The following CSMD1 variants were observed in gnomAD, a reference collection of about 807,000 sequenced individuals.
The protein encoded by CSMD1 is CUB and sushi domain-containing protein 1.
In CSMD1, 213 loss-of-function variants were observed where a neutral mutation model predicts 417.5. The ratio of observed to expected loss-of-function variants is 0.51; its 90% confidence interval spans 0.46 to 0.57. CSMD1 has a LOEUF of 0.57. Ranked by LOEUF, CSMD1 falls within the 20% of genes least tolerant of loss-of-function variation. The pLI, the probability that CSMD1 is intolerant of heterozygous loss-of-function variation, is 0.00. For missense variants in CSMD1, 6,923 were observed against 4,529.7 expected, an observed-to-expected ratio of 1.53 and a Z score of -15.17; for synonymous variants, 2,862 against 1,736.8, an observed-to-expected ratio of 1.65 and a Z score of -16.11.
At position 4,675,868 on chromosome 8, in the gene CSMD1, T is replaced by C. The variant is rs140916258; in HGVS notation, c.86-38310A>G. Among the ~76,000 whole-genome samples, 338 of 152,268 alleles carry C rather than the reference T, an allele frequency of 2.2e-3. 3 individuals are homozygous for C. Among genetic ancestry groups the C allele is most frequent in the African/African-American group, 7.8e-3 (323 of 41,558 alleles). On this transcript the variant is annotated intron_variant, in intron 1 of 69. Coordinates refer to ENST00000635120, the MANE Select transcript of CSMD1 (RefSeq NM_033225.6). ...GCAGTGTAGTAAGGTGCCTAATTGTTTCCTAAACAAAAAGTATCTAAACTA... is the reference window on the plus strand; with the variant it reads ...GCAGTGTAGTAAGGTGCCTAATTGTCTCCTAAACAAAAAGTATCTAAACTA...
chr8:3,305,160 C>T (rs911444651), intron 25 of CSMD1, among the ~76,000 whole-genome samples: 3 of 152,140 alleles, frequency 2.0e-5, no homozygotes, highest in African/African-American at 4.8e-5. Flanking sequence ...GCTGGGATGA[C>T]AGGTGTGAGC....
intron 33 of CSMD1, among the ~76,000 whole-genome samples, chr8:3,196,869 A>C (rs1238810458): frequency 3.9e-5 from 6 of 152,256 alleles, no homozygotes; most frequent in African/African-American, 1.4e-4. Context: ...ACGAAACTAA[A>C]GATAAGAGAA....
At chr8:4,633,296 G>C (rs1427461875) in intron 2 of CSMD1, among the ~76,000 whole-genome samples, 2 of 152,126 alleles carry the variant, frequency 1.3e-5, no homozygotes, top group African/African-American at 4.8e-5. Context: ...CCCCAGGCTG[G>C]AGTGCAGTGG....
chr8:4,664,581 A>G (rs926187153), intron 1 of CSMD1, among the ~76,000 whole-genome samples: 2 of 152,190 alleles, frequency 1.3e-5, no homozygotes, highest in African/African-American at 4.8e-5. Context: ...AAATAAATAA[A>G]TAACAAAAAT....
chr8:4,820,367 C>G (rs1799452247), intron 1 of CSMD1, among the ~76,000 whole-genome samples: 1 of 152,072 alleles, frequency 6.6e-6, no homozygotes, highest in South Asian at 2.1e-4. Flanking sequence ...ATATGCACTT[C>G]TATGATTTTT....
At chr8:4,041,293 A>T (rs975114846) in intron 3 of CSMD1, among the ~76,000 whole-genome samples, 3 of 151,918 alleles carry the variant, frequency 2.0e-5, no homozygotes, top group African/African-American at 7.3e-5. Context: ...CGGGGATTAC[A>T]TGCGTGAGCC....
chr8:3,692,368 G>A (rs1385196565), intron 7 of CSMD1, among the ~76,000 whole-genome samples: 10 of 152,092 alleles, frequency 6.6e-5, no homozygotes, highest in South Asian at 6.2e-4. Context: ...AAAGAGACTC[G>A]CTGCTTTCTG....
intron 7 of CSMD1, among the ~76,000 whole-genome samples, chr8:3,668,372 A>T (rs1421890251): frequency 6.6e-6 from 1 of 152,056 alleles, no homozygotes; most frequent in East Asian, 1.9e-4. Flanking sequence ...GAGTCCCCAG[A>T]CCCAAATTCT....
chr8:4,528,870 C>T (rs13249645), intron 2 of CSMD1, among the ~76,000 whole-genome samples: 53,261 of 151,774 alleles, frequency 0.35, 10,559 homozygotes, highest in Non-Finnish European at 0.45. Context: ...AGGTATAGTA[C>T]TAAAAATGTC....
At chr8:3,874,868 G>C (rs1178302672) in intron 5 of CSMD1, among the ~76,000 whole-genome samples, 2 of 152,062 alleles carry the variant, frequency 1.3e-5, no homozygotes, top group South Asian at 2.1e-4. Flanking sequence ...AAACGGCAAA[G>C]GGTGGTGAGA....
chr8:4,107,160 C>G (rs1284172676), intron 3 of CSMD1, among the ~76,000 whole-genome samples: 2 of 152,152 alleles, frequency 1.3e-5, no homozygotes, highest in Non-Finnish European at 2.9e-5. Context: ...CAATTCCAGT[C>G]AACTTCAGAA....
chr8:3,291,106 T>A (rs1376368728), intron 25 of CSMD1, among the ~76,000 whole-genome samples: 1 of 152,246 alleles, frequency 6.6e-6, no homozygotes, highest in Non-Finnish European at 1.5e-5. Context: ...TCGTTGGTTC[T>A]GTTTATATGC....
intron 5 of CSMD1, among the ~76,000 whole-genome samples, chr8:3,929,677 T>C (rs1810004602): frequency 6.7e-6 from 1 of 150,246 alleles, no homozygotes; most frequent in South Asian, 2.2e-4. Flanking sequence ...ATTTTTTTTT[T>C]TTGAGATGGA....
At chr8:4,028,343 A>G (rs1012622791) in intron 4 of CSMD1, among the ~76,000 whole-genome samples, 1 of 152,148 alleles carries the variant, frequency 6.6e-6, no homozygotes, top group African/African-American at 2.4e-5. Context: ...ATGCCTACTT[A>G]TGAAGATTAA....
chr8:3,389,878 A>T (rs1351374299), intron 17 of CSMD1, among the ~76,000 whole-genome samples: 1 of 152,208 alleles, frequency 6.6e-6, no homozygotes, highest in East Asian at 1.9e-4. Context: ...ATAATAATTG[A>T]CACCACTATT....
At chr8:3,805,057 A>G (rs1350399598) in intron 5 of CSMD1, among the ~76,000 whole-genome samples, 1 of 151,866 alleles carries the variant, frequency 6.6e-6, no homozygotes, top group East Asian at 1.9e-4. Context: ...AACACCACTT[A>G]GGCACAGAGA....
chr8:4,484,119 G>A (rs1725111), intron 2 of CSMD1, among the ~76,000 whole-genome samples: 120,932 of 151,434 alleles, frequency 0.8, 48,318 homozygotes, highest in Middle Eastern at 0.87. Context: ...GGGTCATGAG[G>A]TTCCACAACA....
At chr8:4,816,309 C>T (rs1362719177) in intron 1 of CSMD1, among the ~76,000 whole-genome samples, 2 of 151,976 alleles carry the variant, frequency 1.3e-5, no homozygotes, top group East Asian at 1.9e-4. Flanking sequence ...CTCAGCCTGC[C>T]AAGTAGCTGG....
chr8:4,421,208 G>C (rs779895671), intron 2 of CSMD1, among the ~76,000 whole-genome samples: 50 of 152,262 alleles, frequency 3.3e-4, no homozygotes, highest in Non-Finnish European at 6.2e-4. Flanking sequence ...CAATACAGAA[G>C]ACAAGTCAGT....
Sources: gnomAD v4.1 joint callset for allele counts (sites outside exome capture counted in the v4.1 genomes callset) on GRCh38, gnomAD v4.1.1 for gene constraint, MANE v1.5 for transcripts, NCBI Gene and HGNC (gene_info 2026-07-23, HGNC 2026-07-21) for gene names.